KCNIP4: variants seen among roughly 807,000 people sequenced by gnomAD.
The protein encoded by KCNIP4 is Kv channel-interacting protein 4.
In KCNIP4, 12 loss-of-function variants were observed where a neutral mutation model predicts 34.0. The ratio of observed to expected loss-of-function variants is 0.35; its 90% CI spans 0.23 to 0.57. KCNIP4 has a LOEUF of 0.57. KCNIP4 is among the 20% of genes least tolerant of loss of function. The probability of loss-of-function intolerance (pLI) is 0.83; values close to 1 mark genes in which losing one functional copy is unlikely to be tolerated. For synonymous variants in KCNIP4, 124 were observed against 102.2 expected (o/e 1.21, Z -1.29); for missense variants, 238 against 311.7 (o/e 0.76, Z 1.78).
At chr4:20,991,033 T>C (rs542966996) in intron 1 of KCNIP4, among the ~76,000 whole-genome samples, 40 of 152,198 alleles carry the variant, frequency 2.6e-4, no homozygotes, top group Non-Finnish European at 5.4e-4. Context: ...AACCCCATTA[T>C]ATAGATCAGA....
chr4:20,819,911 AC>A (rs1193421485), intron 3 of KCNIP4, among the ~76,000 whole-genome samples: 3 of 152,184 alleles, frequency 2.0e-5, no homozygotes, highest in Non-Finnish European at 2.9e-5. Context: ...AGCCTCCAGA[AC>A]TGTGATAAAT....
At chr4:21,501,688 T>TGTGTGTGTGTGTGTGTGTGTGTGTGTGTG (rs1553893355) in intron 1 of KCNIP4, among the ~76,000 whole-genome samples, 3 of 127,218 alleles carry the variant, frequency 2.4e-5, no homozygotes, top group Non-Finnish European at 5.0e-5. Flanking sequence ...TGCAGAAGCC[T>TGTGTGTGTGTGTGTGTGTGTGTGTGTGTG]TGTGTGTGTG....
At chr4:20,823,841 G>A (rs1460945151) in intron 3 of KCNIP4, among the ~76,000 whole-genome samples, 1 of 152,196 alleles carries the variant, frequency 6.6e-6, no homozygotes, top group African/African-American at 2.4e-5. Flanking sequence ...AGCTAATGGA[G>A]ATATTGCAAT....
At chr4:21,794,391 G>A (rs1019566944) in intron 1 of KCNIP4, among the ~76,000 whole-genome samples, 3 of 152,160 alleles carry the variant, frequency 2.0e-5, no homozygotes, top group African/African-American at 4.8e-5. Flanking sequence ...TTAATTGAAT[G>A]GGTACATTTT....
intron 1 of KCNIP4, among the ~76,000 whole-genome samples, chr4:21,572,685 G>T (rs1740454929): frequency 6.6e-6 from 1 of 151,110 alleles, no homozygotes; most frequent in African/African-American, 2.4e-5. Flanking sequence ...GAGTGCTATG[G>T]CATGACCTCA....
chr4:21,321,086 A>T (rs1369725686), intron 1 of KCNIP4, among the ~76,000 whole-genome samples: 1 of 152,094 alleles, frequency 6.6e-6, no homozygotes, highest in African/African-American at 2.4e-5. Flanking sequence ...TGCATTTTTT[A>T]ATCTACTTCA....
Position 20,938,016 on chromosome 4 carries a change from A to G in KCNIP4, c.62-55307T>C, listed in dbSNP as rs183865175. 2.6e-3 allele frequency among the ~76,000 whole-genome samples: 399 copies of G among 152,272 alleles called. 2 individuals are homozygous for G. The highest frequency in any genetic ancestry group is 4.1e-3 in the Non-Finnish European group (281 of 68,010). ...GGTGACTCTATCTTGTTTAGTCATT[A>G]TCAATTTTAAATTACAACCAAAGAA... On this transcript the variant is annotated intron_variant, in intron 1 of 8. Transcript: ENST00000382152.
At chr4:20,877,077 T>C (rs1460150738) in intron 2 of KCNIP4, among the ~76,000 whole-genome samples, 2 of 152,172 alleles carry the variant, frequency 1.3e-5, no homozygotes, top group Non-Finnish European at 2.9e-5. Context: ...GACAATATTA[T>C]CTGGACTCCT....
intron 1 of KCNIP4, among the ~76,000 whole-genome samples, chr4:21,835,476 G>A (rs1366164059): frequency 6.7e-6 from 1 of 149,002 alleles, no homozygotes; most frequent in Non-Finnish European, 1.5e-5. Flanking sequence ...AACCTTGGAT[G>A]ACCCTGTGAA....
chr4:21,476,023 A>G (rs1730928380), intron 1 of KCNIP4, among the ~76,000 whole-genome samples: 1 of 152,178 alleles, frequency 6.6e-6, no homozygotes, highest in Admixed American at 6.5e-5. Flanking sequence ...ATTGCTTTTC[A>G]TATGAAGACC....
intron 5 of KCNIP4, among the ~76,000 whole-genome samples, chr4:20,743,930 A>T (rs541966770): frequency 3.1e-4 from 47 of 152,188 alleles, no homozygotes; most frequent in African/African-American, 1.1e-3. Flanking sequence ...GAAAAAAAAA[A>T]ACCCTTCAAA....
chr4:21,332,864 G>A (rs1378061748), intron 1 of KCNIP4, among the ~76,000 whole-genome samples: 2 of 151,896 alleles, frequency 1.3e-5, no homozygotes, highest in Non-Finnish European at 2.9e-5. Context: ...ATTTTATTTA[G>A]AATAAAATTT....
At chr4:21,001,234 T>C (rs1738106416) in intron 1 of KCNIP4, among the ~76,000 whole-genome samples, 2 of 152,164 alleles carry the variant, frequency 1.3e-5, no homozygotes, top group African/African-American at 4.8e-5. Context: ...CCTTAAATAT[T>C]TTGTATTGTT....
rs528810599 is a variant in KCNIP4 at position 20,765,233 on chromosome 4, C to G, written c.289-6343G>C. ...TGGAATCAGACTCATAACTCTGACTCCATGAATTGCAATGCTATCTTGCCT... is the reference window on the plus strand; with the variant it reads ...TGGAATCAGACTCATAACTCTGACTGCATGAATTGCAATGCTATCTTGCCT... On this transcript the variant is annotated intron_variant, in intron 3 of 8. Transcript: ENST00000382152. Among the ~76,000 whole-genome samples the G allele has an allele frequency of 7.9e-5, 12 of 152,240 alleles. No individual in the cohort carries two copies. In the East Asian group the frequency reaches 2.3e-3, roughly 29 times the overall value.
intron 1 of KCNIP4, among the ~76,000 whole-genome samples, chr4:21,278,908 G>C (rs1378749528): frequency 6.6e-6 from 1 of 152,166 alleles, no homozygotes; most frequent in Non-Finnish European, 1.5e-5. Context: ...GAAGAGGTGG[G>C]AATAGTATTA....
chr4:21,158,720 A>C (rs1753346262), intron 1 of KCNIP4, among the ~76,000 whole-genome samples: 1 of 152,108 alleles, frequency 6.6e-6, no homozygotes. Context: ...TTTCCCTCTA[A>C]TATCATGATT....
At chr4:20,863,656 T>C (rs1162501109) in intron 2 of KCNIP4, among the ~76,000 whole-genome samples, 26 of 152,104 alleles carry the variant, frequency 1.7e-4, no homozygotes, top group Admixed American at 1.7e-3. Flanking sequence ...CGCCCAGGAA[T>C]GAACAAGGAC....
intron 1 of KCNIP4, among the ~76,000 whole-genome samples, chr4:21,935,430 A>G (rs1432769177): frequency 6.6e-6 from 1 of 151,872 alleles, no homozygotes; most frequent in Admixed American, 6.6e-5. Context: ...CAGCCTCATC[A>G]CTTCTCAGGT....
At chr4:21,620,260 T>G (rs1222699738) in intron 1 of KCNIP4, among the ~76,000 whole-genome samples, 1 of 152,166 alleles carries the variant, frequency 6.6e-6, no homozygotes. Context: ...CCCAATACTT[T>G]GAAAGGCCAA....
Sources: gnomAD v4.1 joint callset for allele counts (sites outside exome capture counted in the v4.1 genomes callset) on GRCh38, gnomAD v4.1.1 for gene constraint, MANE v1.5 for transcripts, NCBI Gene and HGNC (gene_info 2026-07-23, HGNC 2026-07-21) for gene names.